The following SGCD variants were observed in gnomAD, a reference collection of about 807,000 sequenced individuals.
SGCD encodes the protein sarcoglycan delta.
In SGCD, 18 loss-of-function variants were observed where a neutral mutation model predicts 36.6. The observed-to-expected ratio is 0.49, with a 90% confidence interval of 0.34 to 0.73. SGCD has a LOEUF of 0.73. Among genes scored for constraint, SGCD ranks in the 30% least tolerant of loss-of-function variants. The probability of loss-of-function intolerance (pLI) is 0.01; values close to 1 mark genes in which losing one functional copy is unlikely to be tolerated. For synonymous variants in SGCD, 133 were observed against 130.6 expected (o/e 1.02, Z -0.12); for missense variants, 387 against 346.7 (o/e 1.12, Z -0.92).
chr5:156,142,579 A>G (rs1380862791), intron 3 of SGCD, among the ~76,000 whole-genome samples: 1 of 152,200 alleles, frequency 6.6e-6, no homozygotes, highest in Non-Finnish European at 1.5e-5. Flanking sequence ...GAGGTCTCAG[A>G]TAGAAATGAG....
At chr5:156,182,878 A>G (rs1763643342) in intron 3 of SGCD, among the ~76,000 whole-genome samples, 1 of 152,114 alleles carries the variant, frequency 6.6e-6, no homozygotes, top group African/African-American at 2.4e-5. Flanking sequence ...TTTCACTTTT[A>G]CCTTTTTCTC....
At chr5:155,941,563 G>A (rs73810353) in intron 1 of SGCD, among the ~76,000 whole-genome samples, 10,470 of 150,236 alleles carry the variant, frequency 0.07, 434 homozygotes, top group South Asian at 0.17. Context: ...TAATTATATT[G>A]CTGTTAATAA....
At chr5:156,448,983 A>T (rs1172776585) in intron 3 of SGCD, among the ~76,000 whole-genome samples, 1 of 151,824 alleles carries the variant, frequency 6.6e-6, no homozygotes, top group African/African-American at 2.4e-5. Context: ...GGAACTCCTG[A>T]CCTCAAGTGA....
intron 3 of SGCD, among the ~76,000 whole-genome samples, chr5:156,417,642 G>A (rs937946912): frequency 1.3e-5 from 2 of 152,088 alleles, no homozygotes; most frequent in Admixed American, 6.5e-5. Flanking sequence ...TGGAGAGACG[G>A]AGCACTGGTG....
intron 4 of SGCD, among the ~76,000 whole-genome samples, chr5:156,537,402 A>G (rs1327878435): frequency 1.3e-5 from 2 of 150,608 alleles, no homozygotes; most frequent in African/African-American, 2.4e-5. Context: ...ATTTCAAGAT[A>G]TCAGATTGGA....
At chr5:155,772,879 T>G in the SGCD span, among the ~76,000 whole-genome samples, 1 of 152,142 alleles carries the variant, frequency 6.6e-6, no homozygotes, top group African/African-American at 2.4e-5. Context: ...ACACTTCCGG[T>G]AGGGCAAGTT....
chr5:156,140,765 A>G (rs1762561085), intron 3 of SGCD, among the ~76,000 whole-genome samples: 1 of 152,252 alleles, frequency 6.6e-6, no homozygotes, highest in Admixed American at 6.5e-5. Context: ...AAGCATGTTT[A>G]GGAGAGAAAA....
chr5:155,740,711 G>A, the SGCD span, among the ~76,000 whole-genome samples: 9 of 152,072 alleles, frequency 5.9e-5, no homozygotes, highest in Non-Finnish European at 1.2e-4. Flanking sequence ...GGTCTGTTTT[G>A]GTTTTGAAAC....
chr5:156,144,514 C>G (rs1762664966), intron 3 of SGCD, among the ~76,000 whole-genome samples: 1 of 152,088 alleles, frequency 6.6e-6, no homozygotes, highest in South Asian at 2.1e-4. Context: ...TTTCATGTGT[C>G]TTTTGGCTGC....
intron 1 of SGCD, among the ~76,000 whole-genome samples, chr5:155,920,679 A>G (rs1426138234): frequency 1.3e-5 from 2 of 152,136 alleles, no homozygotes; most frequent in South Asian, 4.1e-4. Flanking sequence ...CCTGGCCTTT[A>G]TATTTCCATA....
intron 3 of SGCD, among the ~76,000 whole-genome samples, chr5:156,406,945 T>C: frequency 6.6e-6 from 1 of 151,584 alleles, no homozygotes; most frequent in Non-Finnish European, 1.5e-5. Flanking sequence ...GAGCCAGTCC[T>C]AGTCTCAAAA....
chr5:156,537,310 T>C, intron 4 of SGCD, among the ~76,000 whole-genome samples: 1 of 152,066 alleles, frequency 6.6e-6, no homozygotes, highest in Non-Finnish European at 1.5e-5. Context: ...AGTCTCTCTC[T>C]GAAGCAGGGG....
At chr5:156,455,951 G>A (rs1468686161) in intron 3 of SGCD, among the ~76,000 whole-genome samples, 1 of 152,152 alleles carries the variant, frequency 6.6e-6, no homozygotes, top group Non-Finnish European at 1.5e-5. Flanking sequence ...GCCAAGGATT[G>A]AGGACCATGG....
intron 4 of SGCD, among the ~76,000 whole-genome samples, chr5:156,581,747 C>T (rs892425532): frequency 3.3e-5 from 5 of 152,208 alleles, no homozygotes; most frequent in African/African-American, 1.2e-4. Flanking sequence ...GATATAACCT[C>T]CCGGTGTGCC....
chr5:156,150,896 C>T (rs975679059), intron 3 of SGCD, among the ~76,000 whole-genome samples: 1 of 151,592 alleles, frequency 6.6e-6, no homozygotes, highest in Non-Finnish European at 1.5e-5. Context: ...TTCAGAATGT[C>T]AAATACATAG....
chr5:155,916,284 G>A (rs1482208320), intron 1 of SGCD, among the ~76,000 whole-genome samples: 1 of 152,028 alleles, frequency 6.6e-6, no homozygotes, highest in South Asian at 2.1e-4. Context: ...AAACAGAAAA[G>A]GTAGCTGTAC....
intron 1 of SGCD, among the ~76,000 whole-genome samples, chr5:156,015,956 G>GT (rs1266711040): frequency 6.6e-6 from 1 of 151,200 alleles, no homozygotes; most frequent in Non-Finnish European, 1.5e-5. Context: ...AACTGATGCA[G>GT]TTCCAATGAT....
chr5:155,852,197 T>C, the SGCD span, among the ~76,000 whole-genome samples: 1 of 152,214 alleles, frequency 6.6e-6, no homozygotes, highest in Admixed American at 6.5e-5. Context: ...ACCTAAAAAA[T>C]AACCCTATCA....
At chr5:156,400,155 G>A (rs953921720) in intron 3 of SGCD, among the ~76,000 whole-genome samples, 2 of 152,164 alleles carry the variant, frequency 1.3e-5, no homozygotes, top group Non-Finnish European at 2.9e-5. Context: ...CTGGAAGGCT[G>A]TGAAAACACA....
Sources: allele counts gnomAD v4.1 joint callset (sites outside exome capture counted in the v4.1 genomes callset), GRCh38; gene constraint gnomAD v4.1.1; transcripts MANE v1.5; gene names NCBI Gene and HGNC (gene_info 2026-07-23, HGNC 2026-07-21).